TRIM37: variants seen among roughly 807,000 people sequenced by gnomAD.
TRIM37 encodes the protein tripartite motif containing 37.
A neutral mutation model predicts 129.8 loss-of-function variants in TRIM37; 80 were observed. The observed-to-expected ratio is 0.62, with a 90% CI of 0.51 to 0.74. TRIM37 has a LOEUF of 0.74. Among genes scored for constraint, TRIM37 ranks in the 30% least tolerant of loss-of-function variants. TRIM37 has a pLI of 0.00. For synonymous variants in TRIM37, 389 were observed against 387.1 expected (o/e 1.00, Z -0.06); for missense variants, 1,054 against 1,176.5 (o/e 0.90, Z 1.52).
chr17:59,070,982 A>T (rs2042315411), intron 8 of TRIM37, 35 bp from the exon 9 acceptor site: 2 of 1,611,484 alleles, frequency 1.2e-6, no homozygotes, highest in Admixed American at 1.7e-5. Context: ...AACAAACAAA[A>T]TTACTATTCA....
chr17:59,031,957 G>A lies in TRIM37; in HGVS notation c.1887C>T (p.Ser629=), dbSNP rs1189116247. ...GTAAGCCCCACAAATTTTCTATACT[G>A]CTCCGGTCCTTAAGGTCCAACAAAT... ...LIHLLDLKDR[S]SIENLWGLQP... Residue 629 remains serine (S), a synonymous_variant, in exon 18 of 24, where the codon AGC becomes AGT. Coordinates refer to ENST00000262294, the MANE Select transcript of TRIM37 (RefSeq NM_015294.6). The A allele has an allele frequency of 6.2e-7, 1 of 1,614,146 alleles. No homozygotes were observed. Among genetic ancestry groups the A allele is most frequent in the East Asian group, 2.2e-5 (1 of 44,886 alleles).
At position 59,106,880 on chromosome 17, in the gene TRIM37, C is replaced by A. The variant is rs549763737; in HGVS notation, c.-419G>T. On this transcript the variant is annotated 5_prime_UTR_variant, in exon 1 of 24. Transcript: ENST00000262294. ...GGGGGCGCGGCGGCGAGAGAAGCTG[C>A]GAAGCGCATGCGCGCAGGACGCTGT... 5.2e-5 allele frequency: 16 copies of A among 310,204 alleles called. No homozygotes were observed. The highest frequency in any genetic ancestry group is 1.4e-4 in the South Asian group (4 of 28,752). The allele number at this position is 310,204 out of a possible 1,614,324, so 19.2% of individuals were successfully genotyped here.
intron 16 of TRIM37, among the ~76,000 whole-genome samples, chr17:59,042,456 A>G (rs1172454625): frequency 2.6e-4 from 17 of 66,258 alleles, no homozygotes; most frequent in African/African-American, 7.4e-4. Context: ...AAAAATATAT[A>G]TATATATATA....
At chr17:59,017,677 T>G (rs1355896433) in intron 19 of TRIM37, among the ~76,000 whole-genome samples, 1 of 151,628 alleles carries the variant, frequency 6.6e-6, no homozygotes, top group Non-Finnish European at 1.5e-5. Flanking sequence ...CAGGCTGGAG[T>G]GCAATGGAGC....
At chr17:58,971,764 T>C in the TRIM37 span, among the ~76,000 whole-genome samples, 1 of 152,188 alleles carries the variant, frequency 6.6e-6, no homozygotes, top group African/African-American at 2.4e-5. Flanking sequence ...ACTCTGAGGA[T>C]TGGTATAGAG....
rs1180044721 is a variant in TRIM37, at chr17:59,060,852, A to G, written c.1019+180T>C. Among the ~76,000 whole-genome samples the G allele has an allele frequency of 2.0e-5, 3 of 152,206 alleles. No individual in the cohort carries two copies. In the East Asian group the frequency reaches 5.8e-4, roughly 29 times the overall value. The stretch of plus-strand genomic sequence containing the variant: ...ATTTCTAAAAACGCAAAGCAATACA[A>G]GTTTTCTTAAAAATATTTTGTTTTT... On this transcript the variant is annotated intron_variant, in intron 12 of 23. Transcript: ENST00000262294.
chr17:59,082,895 A>C (rs2043421265), intron 5 of TRIM37, among the ~76,000 whole-genome samples: 1 of 152,194 alleles, frequency 6.6e-6, no homozygotes, highest in Admixed American at 6.5e-5. Flanking sequence ...AATTTTTTCT[A>C]GTTAGCACAT....
Position 59,042,447 on chromosome 17 carries a change from A to ATATATATATATAT in TRIM37, c.1668-550_1668-549insATATATATATATA, listed in dbSNP as rs1366333212. Among the ~76,000 whole-genome samples, 24 of 38,948 alleles carry ATATATATATATAT rather than the reference A, an allele frequency of 6.2e-4. No homozygotes were observed. The East Asian group carries it at 8.2e-3, about 13-fold the overall frequency. 25.6% of individuals were successfully genotyped at this position (38,948 alleles called of 152,430 possible). ...AAAGGAATTTAAAAAAAAAAAAAAA[A>ATATATATATATAT]AAATATATATATATATATATATATA... On this transcript the variant is annotated intron_variant, in intron 16 of 23. Coordinates refer to ENST00000262294, the MANE Select transcript of TRIM37 (RefSeq NM_015294.6).
Position 59,084,517 on chromosome 17 carries a change from T to G in TRIM37, c.282-428A>C, listed in dbSNP as rs545633570. ...ACAATAATCAAGACACATGATTAAC[T>G]GCACGATTTAATACTAGACCCTCAT... On this transcript the variant is annotated intron_variant, in intron 4 of 23. Transcript: ENST00000262294. 6.6e-4 allele frequency among the ~76,000 whole-genome samples: 100 copies of G among 152,334 alleles called. 1 individual carries two copies. Among genetic ancestry groups the G allele is most frequent in the African/African-American group, 2.4e-3 (100 of 41,564 alleles).
At chr17:59,081,323 A>G in intron 5 of TRIM37, 104 bp from the exon 6 acceptor site, 1 of 1,486,288 alleles carries the variant, frequency 6.7e-7, no homozygotes. Flanking sequence ...AATCTCTCAA[A>G]TGAACTTTAC....
chr17:59,100,454 A>T (rs1568261129), intron 2 of TRIM37, among the ~76,000 whole-genome samples: 1 of 152,210 alleles, frequency 6.6e-6, no homozygotes, highest in Non-Finnish European at 1.5e-5. Flanking sequence ...ATTTTTGCTG[A>T]GTGAAAAAAA....
rs527405364 is a variant in TRIM37 at position 59,083,059 on chromosome 17, C to T, written c.369+943G>A. ...CTACCCACTTCCATTTCACCCATAA[C>T]TTATTTTTCCTAAGAATCTATTGTG... is the stretch of plus-strand genomic sequence containing the variant. On this transcript the variant is annotated intron_variant, in intron 5 of 23. Transcript: ENST00000262294. Among the ~76,000 whole-genome samples, 3 of 152,318 alleles carry T rather than the reference C, an allele frequency of 2.0e-5. No homozygotes were observed. The South Asian group carries it at 6.2e-4, about 32-fold the overall frequency.
At chr17:59,020,098 G>A (rs1340269111) in intron 19 of TRIM37, among the ~76,000 whole-genome samples, 5 of 151,634 alleles carry the variant, frequency 3.3e-5, no homozygotes, top group Non-Finnish European at 7.4e-5. Flanking sequence ...CGGTGTGGTG[G>A]CACACACCTG....
At chr17:59,057,189 T>A in intron 12 of TRIM37, 135 bp from the exon 13 acceptor site, 1 of 767,512 alleles carries the variant, frequency 1.3e-6, no homozygotes, top group South Asian at 1.7e-5. Context: ...ATTTCTTTTA[T>A]CATTTATAAA....
chr17:59,061,218 T>C, intron 11 of TRIM37, 110 bp from the exon 12 acceptor site: 2 of 822,500 alleles, frequency 2.4e-6, no homozygotes, highest in Non-Finnish European at 4.0e-6. Flanking sequence ...CTCAAAGCAA[T>C]GGAAGAAATA....
chr17:59,009,871 C>G (rs771236567), intron 22 of TRIM37, among the ~76,000 whole-genome samples: 2 of 152,170 alleles, frequency 1.3e-5, no homozygotes, highest in African/African-American at 4.8e-5. Flanking sequence ...CTGAGAATAA[C>G]AGAATACTGG....
the TRIM37 span, among the ~76,000 whole-genome samples, chr17:58,969,245 G>A: frequency 2.6e-5 from 4 of 152,008 alleles, no homozygotes; most frequent in Admixed American, 2.0e-4. Context: ...GCAAATGTAC[G>A]TGGGTGGTTT....
At chr17:59,063,411 TC>T (rs1177587389) in intron 10 of TRIM37, among the ~76,000 whole-genome samples, 1 of 152,154 alleles carries the variant, frequency 6.6e-6, no homozygotes, top group African/African-American at 2.4e-5. Flanking sequence ...ACTCCTGACC[TC>T]GATGATCCAC....
intron 16 of TRIM37, among the ~76,000 whole-genome samples, chr17:59,044,419 G>A (rs1202249746): frequency 6.6e-6 from 1 of 152,004 alleles, no homozygotes; most frequent in East Asian, 1.9e-4. Context: ...AAAATTAGTC[G>A]GGCGTAGTGG....
Sources: gnomAD v4.1 joint callset for allele counts (sites outside exome capture counted in the v4.1 genomes callset) on GRCh38, gnomAD v4.1.1 for gene constraint, MANE v1.5 for transcripts, NCBI Gene and HGNC (gene_info 2026-07-23, HGNC 2026-07-21) for gene names.